DNAH8: variants seen among roughly 807,000 people sequenced by gnomAD.
The protein encoded by DNAH8 is axonemal beta dynein heavy chain 8.
DNAH8 carries 382 observed loss-of-function variants against 562.1 expected under a neutral mutation model. The ratio of observed to expected loss-of-function variants is 0.68; its 90% CI spans 0.63 to 0.74. DNAH8 has a LOEUF of 0.74. DNAH8 is among the 30% of genes least tolerant of loss of function. The pLI is 0.00. For synonymous variants in DNAH8, 1,881 were observed against 1,919.4 expected, an observed-to-expected ratio of 0.98 and a Z score of 0.52; for missense variants, 5,203 against 5,620.4, an observed-to-expected ratio of 0.93 and a Z score of 2.37.
chr6:38,909,862 T>C, intron 65 of DNAH8, 118 bp downstream of exon 65: 4 of 864,674 alleles, frequency 4.6e-6, no homozygotes, highest in Non-Finnish European at 7.1e-6. Context: ...GCTGTATTTT[T>C]AGATCTTTCT....
chr6:38,858,874 T>A (rs1776397651), intron 42 of DNAH8, among the ~76,000 whole-genome samples: 1 of 152,216 alleles, frequency 6.6e-6, no homozygotes. Context: ...AGCATACGTT[T>A]GAGGATGTTG....
intron 33 of DNAH8, 32 bp downstream of exon 33, chr6:38,838,074 C>A (rs1353455468): frequency 3.0e-6 from 4 of 1,349,820 alleles, no homozygotes; most frequent in Middle Eastern, 1.8e-4. Context: ...GTATTACATG[C>A]AAATAATTAA....
chr6:38,988,652 C>T (rs1198690207), intron 87 of DNAH8, among the ~76,000 whole-genome samples: 2 of 152,192 alleles, frequency 1.3e-5, no homozygotes, highest in South Asian at 4.1e-4. Context: ...TGTCCTATCT[C>T]TTATGACTAC....
chr6:38,883,511 G>A, intron 55 of DNAH8, 55 bp downstream of exon 55: 1 of 1,507,496 alleles, frequency 6.6e-7, no homozygotes, highest in Non-Finnish European at 9.0e-7. Context: ...TAAATTAGTG[G>A]TTACAATAAA....
At chr6:38,809,291 G>A (rs1678686) in intron 24 of DNAH8, among the ~76,000 whole-genome samples, 45,110 of 151,726 alleles carry the variant, frequency 0.3, 6,925 homozygotes, top group Admixed American at 0.38. Context: ...AAATTTATCA[G>A]TTTTAGTGAT....
chr6:38,864,342 G>C (rs1474379635), intron 45 of DNAH8, among the ~76,000 whole-genome samples: 1 of 152,118 alleles, frequency 6.6e-6, no homozygotes, highest in East Asian at 1.9e-4. Context: ...TAAGGTGCAG[G>C]CTAAATGTTC....
intron 32 of DNAH8, 147 bp downstream of exon 32, chr6:38,834,788 A>G (rs1193627198): frequency 1.8e-5 from 11 of 611,966 alleles, no homozygotes; most frequent in South Asian, 1.6e-4. Flanking sequence ...AAATGATGCA[A>G]TTGACTCCTC....
At chr6:38,749,400 G>A (rs549737405) in intron 8 of DNAH8, among the ~76,000 whole-genome samples, 17 of 152,168 alleles carry the variant, frequency 1.1e-4, no homozygotes, top group African/African-American at 3.6e-4. Flanking sequence ...GGGAGGGAGA[G>A]CATCAGGACA....
intron 26 of DNAH8, among the ~76,000 whole-genome samples, chr6:38,818,607 A>ATTTCAAGG (rs1772522968): frequency 6.6e-6 from 1 of 151,196 alleles, no homozygotes; most frequent in Non-Finnish European, 1.5e-5. Flanking sequence ...GGTGAAGGGA[A>ATTTCAAGG]TTTCAAGGTG....
intron 52 of DNAH8, among the ~76,000 whole-genome samples, chr6:38,874,657 C>T (rs1777850306): frequency 6.6e-6 from 1 of 152,046 alleles, no homozygotes; most frequent in Non-Finnish European, 1.5e-5. Flanking sequence ...GCATGAGCCA[C>T]CATGCCCAGC....
chr6:38,732,806 G>A (rs191478067), intron 4 of DNAH8, among the ~76,000 whole-genome samples: 10 of 152,132 alleles, frequency 6.6e-5, no homozygotes, highest in Non-Finnish European at 5.9e-5. Flanking sequence ...CAGGGCAGGA[G>A]GAATCTCCCA....
At chr6:38,799,486 G>C (rs1770587929) in intron 21 of DNAH8, among the ~76,000 whole-genome samples, 1 of 151,858 alleles carries the variant, frequency 6.6e-6, no homozygotes, top group Admixed American at 6.6e-5. Flanking sequence ...TTTACAACCA[G>C]ACTTCTCCAA....
intron 21 of DNAH8, among the ~76,000 whole-genome samples, chr6:38,800,278 C>G (rs1409071883): frequency 6.6e-6 from 1 of 151,842 alleles, no homozygotes; most frequent in Non-Finnish European, 1.5e-5. Flanking sequence ...AATGGAATTA[C>G]TGGCTCCCAA....
Position 38,894,785 on chromosome 6 carries a change from A to T in DNAH8, c.8668A>T (p.Ile2890Leu). Residue 2890 changes from isoleucine to leucine, a missense_variant, in exon 59 of 93, where the codon ATA (isoleucine) becomes TTA (leucine). Physicochemically the swap from Ile to Leu is conservative, Grantham distance 5. This residue lies in a region of DNAH8 where 977 missense variants were observed against 1,061.8 expected (regional missense o/e 0.92). Transcript: ENST00000327475. ...LSRIWQGMLT[I>L]KAEECASIPT... ...CAGAATTTGGCAAGGAATGTTGACC[A>T]TAAAAGCTGAGGAGTGCGCTTCAAT... The T allele has an allele frequency of 6.2e-7, 1 of 1,614,122 alleles. No homozygotes were observed. Among genetic ancestry groups the T allele is most frequent in the African/African-American group, 1.3e-5 (1 of 75,058 alleles).
At chr6:38,774,547 G>A (rs918401101) in intron 12 of DNAH8, among the ~76,000 whole-genome samples, 9 of 152,140 alleles carry the variant, frequency 5.9e-5, no homozygotes, top group Admixed American at 4.6e-4. Context: ...TAAGTTTGAA[G>A]GGCAAGCATG....
chr6:38,801,478 A>C (rs1308455326), intron 21 of DNAH8, among the ~76,000 whole-genome samples: 2 of 152,210 alleles, frequency 1.3e-5, no homozygotes, highest in Non-Finnish European at 2.9e-5. Context: ...TGCCAAGTTA[A>C]TTAGTGTGTC....
intron 73 of DNAH8, among the ~76,000 whole-genome samples, chr6:38,925,222 T>A (rs961184712): frequency 3.3e-5 from 5 of 152,186 alleles, no homozygotes; most frequent in Non-Finnish European, 7.3e-5. Context: ...TTATTAATTA[T>A]GGCCTTTGGG....
chr6:38,774,421 A>AACACT (rs1767869689), intron 12 of DNAH8, among the ~76,000 whole-genome samples: 1 of 152,174 alleles, frequency 6.6e-6, no homozygotes, highest in African/African-American at 2.4e-5. Flanking sequence ...GAACATTGAT[A>AACACT]GAGAGATGTT....
chr6:38,717,472 C>A (rs561484007), intron 1 of DNAH8, among the ~76,000 whole-genome samples: 1 of 151,886 alleles, frequency 6.6e-6, no homozygotes, highest in Non-Finnish European at 1.5e-5. Context: ...TACAGGTGCA[C>A]GCCACCACGC....
Sources: allele counts gnomAD v4.1 joint callset (sites outside exome capture counted in the v4.1 genomes callset), GRCh38; gene constraint gnomAD v4.1.1; regional missense constraint gnomAD v4.1.1; transcripts MANE v1.5; gene names NCBI Gene and HGNC (gene_info 2026-07-23, HGNC 2026-07-21).